RBMS3: variants seen among roughly 807,000 people sequenced by gnomAD.
The protein encoded by RBMS3 is RNA-binding motif, single-stranded-interacting protein 3.
In RBMS3, 27 loss-of-function variants were observed where a neutral mutation model predicts 66.8. The ratio of observed to expected loss-of-function variants is 0.40; its 90% CI spans 0.30 to 0.56. The LOEUF is 0.56. RBMS3 is among the 20% of genes least tolerant of loss of function. The pLI, the probability that RBMS3 is intolerant of heterozygous loss-of-function variation, is 0.40. For missense variants in RBMS3, 513 were observed against 549.5 expected, an observed-to-expected ratio of 0.93 and a Z score of 0.66; for synonymous variants, 188 against 183.0, an observed-to-expected ratio of 1.03 and a Z score of -0.22.
intron 3 of RBMS3, among the ~76,000 whole-genome samples, chr3:29,494,944 G>A (rs966912882): frequency 1.3e-5 from 2 of 151,438 alleles, no homozygotes; most frequent in East Asian, 1.9e-4. Context: ...CACTTCTGAG[G>A]GTTTGAAATA....
chr3:29,415,728 C>T (rs781353158), intron 1 of RBMS3, among the ~76,000 whole-genome samples: 8 of 152,048 alleles, frequency 5.3e-5, no homozygotes, highest in Non-Finnish European at 1.0e-4. Context: ...GAGAATGCAG[C>T]ATAGGCAGGA....
At chr3:29,466,128 A>C (rs182731905) in intron 2 of RBMS3, among the ~76,000 whole-genome samples, 1 of 152,168 alleles carries the variant, frequency 6.6e-6, no homozygotes, top group Admixed American at 6.6e-5. Context: ...ATGAACTATA[A>C]AAATCAGCAG....
intron 10 of RBMS3, among the ~76,000 whole-genome samples, chr3:29,904,919 A>G (rs1224024085): frequency 1.3e-5 from 2 of 152,028 alleles, no homozygotes; most frequent in Non-Finnish European, 2.9e-5. Context: ...AAAAGATCTT[A>G]TTACAGTTAG....
intron 2 of RBMS3, among the ~76,000 whole-genome samples, chr3:29,483,402 G>A (rs1029111386): frequency 1.9e-4 from 29 of 152,126 alleles, no homozygotes; most frequent in Middle Eastern, 3.4e-3. Context: ...TGCTGTTTGT[G>A]TGTTAGTCTT....
intron 6 of RBMS3, among the ~76,000 whole-genome samples, chr3:29,859,325 C>G (rs1422226059): frequency 6.6e-6 from 1 of 152,110 alleles, no homozygotes; most frequent in African/African-American, 2.4e-5. Context: ...TTTGTGAGTA[C>G]TCAATCTTTT....
chr3:29,745,116 C>T (rs76246953), intron 5 of RBMS3, among the ~76,000 whole-genome samples: 1,686 of 152,264 alleles, frequency 0.011, 32 homozygotes, highest in African/African-American at 0.039. Flanking sequence ...ATATTTAAAA[C>T]GCTGAATTTC....
At chr3:29,932,530 T>C (rs1037746635) in intron 10 of RBMS3, among the ~76,000 whole-genome samples, 1 of 152,098 alleles carries the variant, frequency 6.6e-6, no homozygotes, top group Non-Finnish European at 1.5e-5. Context: ...CCACAAACCA[T>C]AGTTGGGGTG....
intron 1 of RBMS3, among the ~76,000 whole-genome samples, chr3:29,320,395 G>T (rs977414604): frequency 4.6e-5 from 7 of 151,980 alleles, no homozygotes; most frequent in Admixed American, 2.6e-4. Context: ...GGTGAATAAA[G>T]GAGCCATTGA....
At chr3:29,624,944 A>G (rs1380590214) in intron 4 of RBMS3, among the ~76,000 whole-genome samples, 2 of 152,106 alleles carry the variant, frequency 1.3e-5, no homozygotes, top group African/African-American at 4.8e-5. Flanking sequence ...AGTAATCCCT[A>G]TGTGTTGAGG....
intron 10 of RBMS3, among the ~76,000 whole-genome samples, chr3:29,921,392 C>T (rs1221715051): frequency 6.6e-6 from 1 of 151,144 alleles, no homozygotes; most frequent in Non-Finnish European, 1.5e-5. Context: ...TTATAAAATA[C>T]CCACTATAGT....
Position 29,288,731 on chromosome 3 carries a change from A to T in RBMS3, c.75+6975A>T, listed in dbSNP as rs140946614. Reference sequence around the variant, plus strand: ...GGAGTCAGTGTAACTATAACAATTAATGAAATATTATTTCGACTGAATCCA... The same window carrying T: ...GGAGTCAGTGTAACTATAACAATTATTGAAATATTATTTCGACTGAATCCA... On this transcript the variant is annotated intron_variant, in intron 1 of 14. Coordinates refer to ENST00000383767, the MANE Select transcript of RBMS3 (RefSeq NM_001003793.3). Among the ~76,000 whole-genome samples the T allele has an allele frequency of 3.8e-3, 571 of 152,080 alleles. 16 individuals are homozygous for T. Among genetic ancestry groups the T allele is most frequent in the Admixed American group, 0.028 (424 of 15,234 alleles).
At chr3:29,450,284 A>G (rs2125758171) in intron 2 of RBMS3, among the ~76,000 whole-genome samples, 1 of 152,304 alleles carries the variant, frequency 6.6e-6, no homozygotes, top group Non-Finnish European at 1.5e-5. Context: ...AGAGCTGAAA[A>G]GTCCCTTCCC....
At chr3:29,860,156 A>T (rs1034726127) in intron 6 of RBMS3, among the ~76,000 whole-genome samples, 1 of 152,212 alleles carries the variant, frequency 6.6e-6, no homozygotes, top group African/African-American at 2.4e-5. Context: ...GTTCCAAATC[A>T]GTATAAACTA....
intron 8 of RBMS3, among the ~76,000 whole-genome samples, chr3:29,892,823 GTATGTATGTATGTATGTATGTATT>G (rs1400400924): frequency 1.5e-5 from 2 of 132,826 alleles, no homozygotes; most frequent in African/African-American, 3.0e-5. Context: ...ATGTATGTAT[GTATGTATGTATGTATGTATGTATT>G]TATTTATTTA....
chr3:29,911,595 C>CTCTGCACAAGGCTAATTAGTCCTAATA (rs2060514162), intron 10 of RBMS3, among the ~76,000 whole-genome samples: 1 of 151,986 alleles, frequency 6.6e-6, no homozygotes, highest in South Asian at 2.1e-4. Context: ...TCATTATAGC[C>CTCTGCACAAGGCTAATTAGTCCTAATA]TCTGCACAAG....
At chr3:29,303,224 G>C (rs1022407464) in intron 1 of RBMS3, among the ~76,000 whole-genome samples, 2 of 152,036 alleles carry the variant, frequency 1.3e-5, no homozygotes, top group African/African-American at 2.4e-5. Context: ...GAAGTCATCA[G>C]GGCCAGCCCT....
chr3:29,973,237 C>T (rs1697338629), intron 12 of RBMS3, among the ~76,000 whole-genome samples: 1 of 151,942 alleles, frequency 6.6e-6, no homozygotes, highest in Non-Finnish European at 1.5e-5. Flanking sequence ...TGTTAAGGAA[C>T]ACTGAAGAGG....
chr3:29,954,513 G>A (rs1405645120), intron 12 of RBMS3, among the ~76,000 whole-genome samples: 4 of 151,986 alleles, frequency 2.6e-5, no homozygotes, highest in African/African-American at 7.2e-5. Context: ...CAGTAGCTTA[G>A]AGTATAGCTC....
Position 29,868,909 on chromosome 3 carries a change from G to C in RBMS3, c.689G>C (p.Arg230Pro). 1 of 1,604,998 alleles carries C rather than the reference G, an allele frequency of 6.2e-7. No homozygotes were observed. ...CKFADGGQKK[R>P]QNQSKYTQNG... ...TTCGCTGATGGAGGACAAAAGAAGC[G>C]ACAGAATCAAAGCAAATATACCCAG... is the stretch of plus-strand genomic sequence containing the variant. Residue 230 changes from arginine (R) to proline (P), a missense_variant, in exon 7 of 15, where the codon CGA (arginine) becomes CCA (proline). Arg to Pro is a moderately radical substitution (Grantham distance 103). Coordinates refer to ENST00000383767, the MANE Select transcript of RBMS3 (RefSeq NM_001003793.3).
Sources: allele counts gnomAD v4.1 joint callset (sites outside exome capture counted in the v4.1 genomes callset), GRCh38; gene constraint gnomAD v4.1.1; transcripts MANE v1.5; gene names NCBI Gene and HGNC (gene_info 2026-07-23, HGNC 2026-07-21).